GLIS3: variants seen among roughly 807,000 people sequenced by gnomAD.
GLIS3 encodes zinc finger protein GLIS3.
A neutral mutation model predicts 78.6 loss-of-function variants in GLIS3; 53 were observed. That is an observed-to-expected ratio of 0.67 (90% CI 0.54 to 0.85). The LOEUF (loss-of-function observed/expected upper bound fraction) is 0.85, where lower values mean the gene tolerates loss of function less well. Ranked by LOEUF, GLIS3 falls within the 40% of genes least tolerant of loss-of-function variation. The probability of loss-of-function intolerance (pLI) is 0.00; values close to 1 mark genes in which losing one functional copy is unlikely to be tolerated. For synonymous variants in GLIS3, 684 were observed against 509.9 expected (o/e 1.34, Z -4.60); for missense variants, 1,703 against 1,231.1 (o/e 1.38, Z -5.74).
chr9:4,024,367 G>A (rs905875280), intron 4 of GLIS3, among the ~76,000 whole-genome samples: 4 of 152,236 alleles, frequency 2.6e-5, no homozygotes, highest in Admixed American at 1.3e-4. Flanking sequence ...GATAATGACT[G>A]TGTGGATAGA....
chr9:4,112,488 C>T (rs1052110114), intron 4 of GLIS3, among the ~76,000 whole-genome samples: 2 of 152,240 alleles, frequency 1.3e-5, no homozygotes, highest in African/African-American at 2.4e-5. Flanking sequence ...TGTTCTCAAC[C>T]TTGACTGCTC....
At chr9:3,973,073 T>C (rs1818508316) in intron 4 of GLIS3, among the ~76,000 whole-genome samples, 1 of 152,142 alleles carries the variant, frequency 6.6e-6, no homozygotes, top group African/African-American at 2.4e-5. Flanking sequence ...GAAGCTATCA[T>C]ATTCATAGTT....
chr9:4,102,069 C>A (rs1465644279), intron 4 of GLIS3, among the ~76,000 whole-genome samples: 2 of 152,168 alleles, frequency 1.3e-5, no homozygotes, highest in Non-Finnish European at 2.9e-5. Context: ...AGAAATCTGG[C>A]TTAAAATACT....
chr9:4,120,683 C>T (rs545826180), intron 3 of GLIS3, among the ~76,000 whole-genome samples: 5 of 152,262 alleles, frequency 3.3e-5, no homozygotes, highest in East Asian at 1.9e-4. Context: ...GCTTTACACC[C>T]GCAGGTTGAG....
chr9:4,025,513 G>A (rs1823256694), intron 4 of GLIS3, among the ~76,000 whole-genome samples: 3 of 152,048 alleles, frequency 2.0e-5, no homozygotes, highest in South Asian at 2.1e-4. Flanking sequence ...TCAGCCTCCC[G>A]AGTAGCTGGG....
At chr9:3,831,527 A>G (rs1204257752) in intron 9 of GLIS3, among the ~76,000 whole-genome samples, 1 of 152,254 alleles carries the variant, frequency 6.6e-6, no homozygotes, top group Non-Finnish European at 1.5e-5. Flanking sequence ...ACATTGCAAG[A>G]GAGTACAAGC....
At chr9:4,262,051 A>C (rs1825581980) in intron 2 of GLIS3, among the ~76,000 whole-genome samples, 1 of 152,160 alleles carries the variant, frequency 6.6e-6, no homozygotes, top group Non-Finnish European at 1.5e-5. Flanking sequence ...AAAATAAAAC[A>C]GCAATGAATG....
chr9:4,099,490 T>C (rs1162527124), intron 4 of GLIS3, among the ~76,000 whole-genome samples: 1 of 152,174 alleles, frequency 6.6e-6, no homozygotes, highest in Non-Finnish European at 1.5e-5. Flanking sequence ...TTTCTCCTTT[T>C]TATTAGAACA....
chr9:4,435,763 T>C, the GLIS3 span, among the ~76,000 whole-genome samples: 506 of 151,902 alleles, frequency 3.3e-3, 3 homozygotes, highest in Middle Eastern at 0.02. Context: ...TCCTGGCTAA[T>C]ACAGTGAAAC....
the GLIS3 span, among the ~76,000 whole-genome samples, chr9:4,391,082 G>A: frequency 5.0e-3 from 755 of 151,976 alleles, 4 homozygotes; most frequent in African/African-American, 0.018. Flanking sequence ...TTCTATCTCT[G>A]CCCACCATCG....
intron 2 of GLIS3, among the ~76,000 whole-genome samples, chr9:4,207,033 CT>C (rs1418535132): frequency 6.6e-6 from 1 of 152,170 alleles, no homozygotes; most frequent in Non-Finnish European, 1.5e-5. Context: ...ACAACTTGCC[CT>C]TTTAAAATAA....
At chr9:4,120,085 G>T (rs560587672) in intron 3 of GLIS3, among the ~76,000 whole-genome samples, 1 of 152,084 alleles carries the variant, frequency 6.6e-6, no homozygotes, top group African/African-American at 2.4e-5. Context: ...ACAACAAAAC[G>T]TTATATAAAA....
At chr9:4,209,429 C>T (rs1402295693) in intron 2 of GLIS3, among the ~76,000 whole-genome samples, 1 of 152,152 alleles carries the variant, frequency 6.6e-6, no homozygotes, top group Non-Finnish European at 1.5e-5. Context: ...ACAACAGTCC[C>T]ACACACAAAG....
At chr9:4,441,670 G>T in the GLIS3 span, among the ~76,000 whole-genome samples, 2 of 152,044 alleles carry the variant, frequency 1.3e-5, no homozygotes, top group African/African-American at 4.8e-5. Flanking sequence ...GCAGTCATGT[G>T]ATCTCGGCTC....
At chr9:4,261,617 G>T (rs1338935914) in intron 2 of GLIS3, among the ~76,000 whole-genome samples, 1 of 152,152 alleles carries the variant, frequency 6.6e-6, no homozygotes, top group East Asian at 1.9e-4. Flanking sequence ...ACTCTACTCA[G>T]CAAAGAAAGG....
At chr9:3,843,864 C>T (rs911663410) in intron 9 of GLIS3, among the ~76,000 whole-genome samples, 6 of 152,050 alleles carry the variant, frequency 3.9e-5, no homozygotes, top group Middle Eastern at 3.4e-3. Context: ...TGGTGATGAA[C>T]GTAAGAAGGG....
intron 2 of GLIS3, among the ~76,000 whole-genome samples, chr9:4,199,606 A>C (rs2131258226): frequency 6.6e-6 from 1 of 152,078 alleles, no homozygotes; most frequent in Admixed American, 6.5e-5. Flanking sequence ...AAGAAGACTT[A>C]ACTATCCTAA....
intron 2 of GLIS3, among the ~76,000 whole-genome samples, chr9:4,251,427 A>ACCCCT (rs1410928812): frequency 1.6e-5 from 2 of 127,462 alleles, no homozygotes; most frequent in Admixed American, 7.8e-5. Flanking sequence ...TAGGATTGCA[A>ACCCCT]TCTTTTTTTT....
chr9:4,227,217 T>A (rs953802298), intron 2 of GLIS3, among the ~76,000 whole-genome samples: 1 of 150,940 alleles, frequency 6.6e-6, no homozygotes, highest in African/African-American at 2.4e-5. Context: ...GGGTGTTCCA[T>A]CCTGAGGCAG....
Sources: allele counts gnomAD v4.1 joint callset (sites outside exome capture counted in the v4.1 genomes callset), GRCh38; gene constraint gnomAD v4.1.1; transcripts MANE v1.5; gene names NCBI Gene and HGNC (gene_info 2026-07-23, HGNC 2026-07-21).